AUTS2: variants seen among roughly 807,000 people sequenced by gnomAD.
AUTS2 encodes activator of transcription and developmental regulator AUTS2.
Under a neutral mutation model 112.4 loss-of-function variants are expected in AUTS2, and 17 were observed. That is an observed-to-expected ratio of 0.15 (90% CI 0.10 to 0.23). AUTS2 has a LOEUF of 0.23. Among genes scored for constraint, AUTS2 ranks in the 10% least tolerant of loss-of-function variants. The pLI is 1.00. For missense variants in AUTS2, 1,510 were observed against 1,701.6 expected (o/e 0.89, Z 1.98); for synonymous variants, 751 against 702.7 (o/e 1.07, Z -1.09).
intron 1 of AUTS2, among the ~76,000 whole-genome samples, chr7:69,725,532 G>C (rs777144242): frequency 5.0e-4 from 76 of 152,174 alleles, no homozygotes; most frequent in Non-Finnish European, 4.6e-4. Context: ...AGGCAGGGTT[G>C]ACATTCCAGA....
Position 69,895,554 on chromosome 7 carries a change from G to C in AUTS2, c.310-3732G>C, listed in dbSNP as rs1034531275. On this transcript the variant is annotated intron_variant, in intron 1 of 18. Coordinates refer to ENST00000342771, the MANE Select transcript of AUTS2 (RefSeq NM_015570.4). The stretch of plus-strand genomic sequence containing the variant: ...TCTCTCTCTCTTCTTCCCCCCCCCC[G>C]AGTGGAAAATCTCAATATTAATTGG... 5.4e-4 allele frequency among the ~76,000 whole-genome samples: 38 copies of C among 70,854 alleles called. 2 individuals are homozygous for C. Among genetic ancestry groups the C allele is most frequent in the South Asian group, 4.7e-3 (9 of 1,898 alleles). 46.5% of individuals were successfully genotyped at this position (70,854 alleles called of 152,430 possible).
intron 2 of AUTS2, among the ~76,000 whole-genome samples, chr7:70,055,365 C>T (rs982964727): frequency 6.6e-5 from 10 of 152,018 alleles, no homozygotes; most frequent in Admixed American, 4.6e-4. Flanking sequence ...ACCCAGGAGG[C>T]GGAGGTTGTG....
chr7:70,448,595 A>C (rs2131029518), intron 5 of AUTS2, among the ~76,000 whole-genome samples: 1 of 152,354 alleles, frequency 6.6e-6, no homozygotes, highest in East Asian at 1.9e-4. Context: ...TGATCCAGTC[A>C]TGGAACAGTA....
At chr7:70,132,981 G>C (rs893766910) in intron 3 of AUTS2, among the ~76,000 whole-genome samples, 3 of 152,116 alleles carry the variant, frequency 2.0e-5, no homozygotes, top group African/African-American at 7.2e-5. Flanking sequence ...GTGGGTGCTG[G>C]AAACAGGTGA....
chr7:69,969,935 C>G (rs1797781848), intron 2 of AUTS2, among the ~76,000 whole-genome samples: 1 of 152,078 alleles, frequency 6.6e-6, no homozygotes, highest in Non-Finnish European at 1.5e-5. Context: ...AATCAGTCTT[C>G]AGTAGTGAGA....
intron 1 of AUTS2, among the ~76,000 whole-genome samples, chr7:69,717,142 G>C (rs1469681308): frequency 6.6e-6 from 1 of 152,096 alleles, no homozygotes; most frequent in Non-Finnish European, 1.5e-5. Context: ...TGTTTCCAAA[G>C]TTTTTTTCTC....
intron 5 of AUTS2, among the ~76,000 whole-genome samples, chr7:70,609,374 C>T (rs2129532877): frequency 6.6e-6 from 1 of 151,222 alleles, no homozygotes; most frequent in East Asian, 1.9e-4. Context: ...TCCATGTTGT[C>T]CCAGAGGACA....
chr7:70,209,959 T>A (rs1810771200), intron 4 of AUTS2, among the ~76,000 whole-genome samples: 1 of 152,098 alleles, frequency 6.6e-6, no homozygotes, highest in African/African-American at 2.4e-5. Context: ...GATATAAAAG[T>A]AATGGGGCTT....
chr7:70,540,907 G>C (rs1490753791), intron 5 of AUTS2, among the ~76,000 whole-genome samples: 7 of 152,160 alleles, frequency 4.6e-5, no homozygotes, highest in Non-Finnish European at 1.0e-4. Context: ...TCACCAGGGA[G>C]GGGTTGATCT....
chr7:69,773,553 T>G (rs1268688649), intron 1 of AUTS2, among the ~76,000 whole-genome samples: 1 of 151,430 alleles, frequency 6.6e-6, no homozygotes, highest in East Asian at 1.9e-4. Context: ...TTTTTGACAG[T>G]ATCCTCCCTA....
chr7:70,430,387 T>C (rs1275903706), intron 4 of AUTS2, among the ~76,000 whole-genome samples: 2 of 152,232 alleles, frequency 1.3e-5, no homozygotes, highest in Non-Finnish European at 2.9e-5. Flanking sequence ...TTATCATCTG[T>C]ACATACTTGG....
intron 1 of AUTS2, among the ~76,000 whole-genome samples, chr7:69,872,507 T>C (rs904575645): frequency 1.8e-4 from 27 of 152,256 alleles, no homozygotes; most frequent in African/African-American, 5.5e-4. Context: ...TAGTTTCTAA[T>C]GTATTCGGGG....
rs1200036380 is a variant in AUTS2 at position 70,538,307 on chromosome 7, C to A, written c.690+102526C>A. ...CTTTGAGAGGTCAAGGCAGGAGAAT[C>A]ACCTGAGGTCAGGAGTTCAAGACCA... On this transcript the variant is annotated intron_variant, in intron 5 of 18. Transcript: ENST00000342771. Among the ~76,000 whole-genome samples, 4 of 152,268 alleles carry A rather than the reference C, an allele frequency of 2.6e-5. No homozygotes were observed. In the East Asian group the frequency reaches 7.7e-4, roughly 29 times the overall value.
At chr7:69,877,598 A>G (rs1793859907) in intron 1 of AUTS2, among the ~76,000 whole-genome samples, 1 of 151,022 alleles carries the variant, frequency 6.6e-6, no homozygotes, top group South Asian at 2.1e-4. Flanking sequence ...CAGTTTTTCA[A>G]CTCTTGCCTC....
chr7:70,352,918 G>A (rs868315056), intron 4 of AUTS2, among the ~76,000 whole-genome samples: 2 of 152,160 alleles, frequency 1.3e-5, no homozygotes, highest in Non-Finnish European at 2.9e-5. Flanking sequence ...TGAGAAGACT[G>A]CTGGGGAAGC....
intron 2 of AUTS2, among the ~76,000 whole-genome samples, chr7:70,015,669 CGAAAT>C (rs1430602500): frequency 2.0e-5 from 3 of 152,024 alleles, no homozygotes; most frequent in East Asian, 1.9e-4. Flanking sequence ...AATACACAAA[CGAAAT>C]GAAATTTCAT....
rs954416457 is a variant in AUTS2, at chr7:70,351,056, T to C, written c.661-84696T>C. On this transcript the variant is annotated intron_variant, in intron 4 of 18. Transcript: ENST00000342771. The stretch of plus-strand genomic sequence containing the variant: ...ATGACAGGATTTTGTCTTCTTCTTT[T>C]TTTTTTTTTTTTTAGATGGAGTCTC... Among the ~76,000 whole-genome samples the C allele has an allele frequency of 1.6e-3, 235 of 150,738 alleles. 1 individual carries two copies. Among genetic ancestry groups the C allele is most frequent in the African/African-American group, 4.6e-3 (191 of 41,238 alleles).
At chr7:70,503,516 A>ATT (rs5884783) in intron 5 of AUTS2, among the ~76,000 whole-genome samples, 3,301 of 120,136 alleles carry the variant, frequency 0.027, 112 homozygotes, top group African/African-American at 0.044. Flanking sequence ...CTCCCGTCTC[A>ATT]TTTTTTTTTT....
intron 5 of AUTS2, among the ~76,000 whole-genome samples, chr7:70,664,202 T>A (rs138195919): frequency 1.3e-5 from 2 of 152,368 alleles, no homozygotes; most frequent in East Asian, 3.9e-4. Flanking sequence ...ATTCGAAACC[T>A]ACCTTATCCC....
Sources: allele counts gnomAD v4.1 joint callset (sites outside exome capture counted in the v4.1 genomes callset), GRCh38; gene constraint gnomAD v4.1.1; transcripts MANE v1.5; gene names NCBI Gene and HGNC (gene_info 2026-07-23, HGNC 2026-07-21).